SORCS2: variants seen among roughly 807,000 people sequenced by gnomAD.
The protein encoded by SORCS2 is sortilin related VPS10 domain containing receptor 2.
Under a neutral mutation model 141.6 loss-of-function variants are expected in SORCS2, and 100 were observed. The observed-to-expected ratio is 0.71, with a 90% CI of 0.60 to 0.83. SORCS2 has a LOEUF of 0.83. SORCS2 is among the 40% of genes least tolerant of loss of function. SORCS2 has a pLI of 0.00. For missense variants in SORCS2, 1,646 were observed against 1,560.2 expected, an observed-to-expected ratio of 1.05 and a Z score of -0.93; for synonymous variants, 789 against 676.9, an observed-to-expected ratio of 1.17 and a Z score of -2.57.
chr4:7,257,461 C>T (rs567227806), intron 1 of SORCS2, among the ~76,000 whole-genome samples: 5 of 152,202 alleles, frequency 3.3e-5, no homozygotes, highest in East Asian at 1.9e-4. Context: ...AGAGCCTCTC[C>T]GCATCGCGAT....
intron 14 of SORCS2, among the ~76,000 whole-genome samples, chr4:7,711,888 A>G (rs1010052045): frequency 3.3e-5 from 5 of 151,736 alleles, no homozygotes; most frequent in African/African-American, 1.2e-4. Flanking sequence ...AATCCCCAGC[A>G]CCTTTAGATG....
intron 1 of SORCS2, among the ~76,000 whole-genome samples, chr4:7,246,915 C>T (rs1244495733): frequency 6.6e-6 from 1 of 152,250 alleles, no homozygotes; most frequent in African/African-American, 2.4e-5. Flanking sequence ...CACAGTCCTC[C>T]CTCCGTCCAG....
At chr4:7,611,942 T>A (rs1718431960) in intron 3 of SORCS2, among the ~76,000 whole-genome samples, 1 of 152,136 alleles carries the variant, frequency 6.6e-6, no homozygotes, top group African/African-American at 2.4e-5. Context: ...GGGAGGCCAG[T>A]GAGGTGCTGA....
intron 3 of SORCS2, among the ~76,000 whole-genome samples, chr4:7,625,257 C>G (rs1453214112): frequency 6.6e-6 from 1 of 152,084 alleles, no homozygotes; most frequent in Non-Finnish European, 1.5e-5. Context: ...TCAGCTCAAG[C>G]CCTGGTGCAG....
chr4:7,737,239 C>T (rs1001136550), intron 26 of SORCS2, 67 bp downstream of exon 26: 57 of 1,542,284 alleles, frequency 3.7e-5, no homozygotes, highest in Middle Eastern at 1.7e-4. Flanking sequence ...AAACCCACCC[C>T]GCCCTCCCAC....
chr4:7,662,013 GC>G (rs1722206519), intron 6 of SORCS2, among the ~76,000 whole-genome samples: 1 of 152,166 alleles, frequency 6.6e-6, no homozygotes, highest in African/African-American at 2.4e-5. Context: ...GATCACCTGA[GC>G]CAGGATGTGT....
At chr4:7,250,051 G>A (rs1713386475) in intron 1 of SORCS2, among the ~76,000 whole-genome samples, 1 of 152,088 alleles carries the variant, frequency 6.6e-6, no homozygotes, top group East Asian at 1.9e-4. Context: ...AGACCAGTCT[G>A]GCCAACATGG....
chr4:7,462,778 G>C (rs1240553757), intron 2 of SORCS2, among the ~76,000 whole-genome samples: 1 of 151,318 alleles, frequency 6.6e-6, no homozygotes, highest in South Asian at 2.2e-4. Context: ...CACACTTGCA[G>C]AGTGAATGAA....
chr4:7,393,263 G>A (rs1050042184), intron 1 of SORCS2, among the ~76,000 whole-genome samples: 1 of 152,128 alleles, frequency 6.6e-6, no homozygotes, highest in Non-Finnish European at 1.5e-5. Flanking sequence ...GAGACCCTTG[G>A]CAATGGCCGG....
intron 2 of SORCS2, among the ~76,000 whole-genome samples, chr4:7,425,161 T>C (rs1726340908): frequency 6.6e-6 from 1 of 152,144 alleles, no homozygotes; most frequent in East Asian, 1.9e-4. Context: ...CAGAATCCAC[T>C]AGGAACAGCA....
At chr4:7,657,655 G>GAGTGAATGAGTAATT (rs1721870487) in intron 5 of SORCS2, among the ~76,000 whole-genome samples, 1 of 152,134 alleles carries the variant, frequency 6.6e-6, no homozygotes, top group South Asian at 2.1e-4. Flanking sequence ...ATGAGTGACT[G>GAGTGAATGAGTAATT]AGTGAATGAG....
chr4:7,415,088 G>C (rs1725573256), intron 2 of SORCS2, among the ~76,000 whole-genome samples: 1 of 152,224 alleles, frequency 6.6e-6, no homozygotes, highest in African/African-American at 2.4e-5. Context: ...GTAAAAACGA[G>C]GTAGGCATTT....
intron 3 of SORCS2, among the ~76,000 whole-genome samples, chr4:7,623,854 C>T (rs778285543): frequency 6.6e-6 from 1 of 152,168 alleles, no homozygotes; most frequent in Non-Finnish European, 1.5e-5. Context: ...AGCCCTGGTT[C>T]ATGCAGGTTC....
intron 1 of SORCS2, among the ~76,000 whole-genome samples, chr4:7,388,222 C>T (rs775165224): frequency 2.2e-4 from 33 of 152,212 alleles, no homozygotes; most frequent in Admixed American, 3.9e-4. Flanking sequence ...GGCCTGGCTC[C>T]TGCTCCTAAC....
chr4:7,348,434 A>G (rs895057088), intron 1 of SORCS2, among the ~76,000 whole-genome samples: 5 of 152,230 alleles, frequency 3.3e-5, no homozygotes, highest in African/African-American at 1.2e-4. Flanking sequence ...CTTCCCCACA[A>G]TGGCCCCACT....
chr4:7,248,329 G>GCCC (rs1713268003), intron 1 of SORCS2, among the ~76,000 whole-genome samples: 1 of 79,552 alleles, frequency 1.3e-5, no homozygotes, highest in South Asian at 4.5e-4. Context: ...AGGTGTACAG[G>GCCC]TCACCGTGGG....
chr4:7,320,185 A>G (rs1475712033), intron 1 of SORCS2, among the ~76,000 whole-genome samples: 2 of 152,226 alleles, frequency 1.3e-5, no homozygotes, highest in African/African-American at 4.8e-5. Context: ...AAATATATGC[A>G]TCACTTAAAA....
Position 7,413,287 on chromosome 4 carries a change from T to C in SORCS2, c.548+16932T>C, listed in dbSNP as rs528825638. 7.3e-4 allele frequency among the ~76,000 whole-genome samples: 111 copies of C among 152,164 alleles called. 1 individual carries two copies. The highest frequency in any genetic ancestry group is 2.0e-3 in the African/African-American group (83 of 41,552). ...CTATTCATATTTGAGATAAATATTC[T>C]CACTAGTCTTAAGATGCAAATATGT... On this transcript the variant is annotated intron_variant, in intron 2 of 26. Coordinates refer to ENST00000507866, the MANE Select transcript of SORCS2 (RefSeq NM_020777.3).
chr4:7,685,688 A>AT (rs1553904098), intron 10 of SORCS2, among the ~76,000 whole-genome samples: 6 of 149,716 alleles, frequency 4.0e-5, no homozygotes, highest in African/African-American at 1.2e-4. Context: ...AAAATAAATA[A>AT]ATATATATAT....
Sources: allele counts gnomAD v4.1 joint callset (sites outside exome capture counted in the v4.1 genomes callset), GRCh38; gene constraint gnomAD v4.1.1; transcripts MANE v1.5; gene names NCBI Gene and HGNC (gene_info 2026-07-23, HGNC 2026-07-21).